The following PHACTR3 variants were observed in gnomAD, a reference collection of about 807,000 sequenced individuals.
PHACTR3 encodes the protein phosphatase and actin regulator 3, also known as protein phosphatase 1, regulatory subunit 123.
PHACTR3 carries 16 observed loss-of-function variants against 66.8 expected under a neutral mutation model. The observed-to-expected ratio is 0.24, with a 90% CI of 0.16 to 0.36. The LOEUF (loss-of-function observed/expected upper bound fraction) is 0.36, where lower values mean the gene tolerates loss of function less well. Among genes scored for constraint, PHACTR3 ranks in the 10% least tolerant of loss-of-function variants. The probability of loss-of-function intolerance (pLI) is 1.00; values close to 1 mark genes in which losing one functional copy is unlikely to be tolerated. For synonymous variants in PHACTR3, 323 were observed against 292.1 expected (o/e 1.11, Z -1.08); for missense variants, 647 against 719.9 (o/e 0.90, Z 1.16).
chr20:59,680,711 T>A (rs935760584), intron 1 of PHACTR3, among the ~76,000 whole-genome samples: 4 of 152,158 alleles, frequency 2.6e-5, no homozygotes, highest in Non-Finnish European at 5.9e-5. Context: ...GTATTTTATG[T>A]ATGGCCCAAG....
At chr20:59,648,221 T>C (rs1209788796) in intron 1 of PHACTR3, among the ~76,000 whole-genome samples, 1 of 152,236 alleles carries the variant, frequency 6.6e-6, no homozygotes, top group Non-Finnish European at 1.5e-5. Context: ...TCTCACTGCC[T>C]GGTTCTCTGC....
At chr20:59,618,738 G>A (rs1184928093) in intron 1 of PHACTR3, among the ~76,000 whole-genome samples, 1 of 151,664 alleles carries the variant, frequency 6.6e-6, no homozygotes, top group East Asian at 1.9e-4. Flanking sequence ...CCCTGAGCAG[G>A]GCCGAGAGCC....
At chr20:59,685,163 C>T (rs1421250362) in intron 1 of PHACTR3, among the ~76,000 whole-genome samples, 2 of 152,240 alleles carry the variant, frequency 1.3e-5, no homozygotes, top group Admixed American at 1.3e-4. Context: ...TCCTGCTGGG[C>T]CCCTGCTTCT....
chr20:59,698,170 T>C (rs1287475125), intron 1 of PHACTR3, among the ~76,000 whole-genome samples: 1 of 152,158 alleles, frequency 6.6e-6, no homozygotes, highest in African/African-American at 2.4e-5. Context: ...TAGTTAAAAG[T>C]AATGAACTAA....
chr20:59,810,298 T>A (rs770503037), intron 8 of PHACTR3, among the ~76,000 whole-genome samples: 1 of 152,242 alleles, frequency 6.6e-6, no homozygotes, highest in Non-Finnish European at 1.5e-5. Flanking sequence ...GGCTTGTTTT[T>A]ACTCCATTAC....
chr20:59,599,700 C>T (rs1019526831), upstream of PHACTR3, among the ~76,000 whole-genome samples: 1 of 152,244 alleles, frequency 6.6e-6, no homozygotes, highest in East Asian at 1.9e-4. Context: ...CAAAACAAAA[C>T]AAAACAAAAC....
chr20:59,647,346 T>C (rs1250973902), intron 1 of PHACTR3, among the ~76,000 whole-genome samples: 4 of 152,120 alleles, frequency 2.6e-5, no homozygotes, highest in Admixed American at 6.5e-5. Flanking sequence ...ACCCTTGACA[T>C]GTGGAGATTA....
At chr20:59,598,334 G>A (rs1011466846) in intron 1 of PHACTR3, among the ~76,000 whole-genome samples, 4 of 152,336 alleles carry the variant, frequency 2.6e-5, no homozygotes, top group African/African-American at 9.6e-5. Flanking sequence ...GGGCTTCTGT[G>A]TGCTGTGTCA....
At chr20:59,587,538 G>A (rs761560289) in intron 1 of PHACTR3, among the ~76,000 whole-genome samples, 14 of 152,224 alleles carry the variant, frequency 9.2e-5, no homozygotes, top group Admixed American at 3.3e-4. Context: ...AAGCATCACC[G>A]ATTTATTGCC....
chr20:59,599,200 A>G (rs1025371515), intron 1 of PHACTR3, among the ~76,000 whole-genome samples: 2 of 152,212 alleles, frequency 1.3e-5, no homozygotes, highest in African/African-American at 4.8e-5. Context: ...TTGCCTGGCT[A>G]GGCTCCGCCG....
chr20:59,771,736 C>T (rs1416085564), intron 5 of PHACTR3, among the ~76,000 whole-genome samples: 1 of 152,224 alleles, frequency 6.6e-6, no homozygotes, highest in African/African-American at 2.4e-5. Flanking sequence ...TTCCCTGTGG[C>T]CTGGCCTTGT....
intron 4 of PHACTR3, among the ~76,000 whole-genome samples, chr20:59,765,562 A>G (rs776031273): frequency 6.6e-6 from 1 of 152,132 alleles, no homozygotes; most frequent in Non-Finnish European, 1.5e-5. Flanking sequence ...TGAACTTAAC[A>G]TAAGAAAGGG....
chr20:59,829,736 C>T lies in PHACTR3; in HGVS notation c.1329-6769C>T, dbSNP rs965779438. On this transcript the variant is annotated intron_variant, in intron 8 of 12. Coordinates refer to ENST00000371015, the MANE Select transcript of PHACTR3 (RefSeq NM_080672.5). This position sits in a 1 kb window ranked among gnomAD's most constrained non-coding sequence, Gnocchi z 4.2. The stretch of plus-strand genomic sequence containing the variant: ...TAGCCCGGGCGTCCCCTGTGGGTGT[C>T]GAGCTGTCTGTTCTCTCTAGGAAGG... Among the ~76,000 whole-genome samples, 6 of 152,350 alleles carry T rather than the reference C, an allele frequency of 3.9e-5. No individual in the cohort carries two copies. The highest frequency in any genetic ancestry group is 2.1e-4 in the South Asian group (1 of 4,830).
chr20:59,717,733 A>G (rs1217665821), intron 1 of PHACTR3, among the ~76,000 whole-genome samples: 1 of 152,256 alleles, frequency 6.6e-6, no homozygotes, highest in African/African-American at 2.4e-5. Flanking sequence ...CTTAACAAAA[A>G]TGACTTTGCT....
At chr20:59,705,626 G>A (rs1180006601) in intron 1 of PHACTR3, among the ~76,000 whole-genome samples, 2 of 146,376 alleles carry the variant, frequency 1.4e-5, no homozygotes, top group Admixed American at 6.8e-5. Flanking sequence ...GCTGCTCAAA[G>A]GGTGAACAAT....
At chr20:59,792,758 T>C (rs964161154) in intron 7 of PHACTR3, among the ~76,000 whole-genome samples, 4 of 152,254 alleles carry the variant, frequency 2.6e-5, no homozygotes, top group Non-Finnish European at 5.9e-5. Context: ...ATTAGGTCAA[T>C]TGATTTTTAT....
intron 1 of PHACTR3, among the ~76,000 whole-genome samples, chr20:59,675,723 C>T (rs566398372): frequency 1.6e-4 from 25 of 152,212 alleles, no homozygotes; most frequent in Admixed American, 1.3e-3. Flanking sequence ...GTCAGGGATG[C>T]GGCTAAACCT....
At chr20:59,666,084 C>G (rs1042189972) in intron 1 of PHACTR3, among the ~76,000 whole-genome samples, 1 of 152,152 alleles carries the variant, frequency 6.6e-6, no homozygotes, top group Non-Finnish European at 1.5e-5. Flanking sequence ...TTCCATCTGC[C>G]TGTTGTGCAT....
intron 1 of PHACTR3, among the ~76,000 whole-genome samples, chr20:59,725,844 G>A (rs57454609): frequency 1.3e-5 from 2 of 152,206 alleles, no homozygotes; most frequent in Admixed American, 6.5e-5. Context: ...GAGAGGCTGA[G>A]AGGCTGGGAG....
Sources: gnomAD v4.1 joint callset for allele counts (sites outside exome capture counted in the v4.1 genomes callset) on GRCh38, gnomAD v4.1.1 for gene constraint, Gnocchi (gnomAD v3.1) non-coding constraint, MANE v1.5 for transcripts, NCBI Gene and HGNC (gene_info 2026-07-23, HGNC 2026-07-21) for gene names.